The following AK9 variants were observed in gnomAD, a reference collection of about 807,000 sequenced individuals.
The protein encoded by AK9 is adenylate kinase domain containing 1.
In AK9, 191 loss-of-function variants were observed where a neutral mutation model predicts 239.6. The ratio of observed to expected loss-of-function variants is 0.80; its 90% CI spans 0.71 to 0.90. The LOEUF (loss-of-function observed/expected upper bound fraction) is 0.90, where lower values mean the gene tolerates loss of function less well. Ranked by LOEUF, AK9 falls within the 40% of genes least tolerant of loss-of-function variation. AK9 has a pLI of 0.00. For synonymous variants in AK9, 689 were observed against 721.0 expected (o/e 0.96, Z 0.71); for missense variants, 1,995 against 2,214.7 (o/e 0.90, Z 1.99).
intron 2 of AK9, 88 bp downstream of exon 2, chr6:109,675,541 T>A (rs1771588875): frequency 7.2e-6 from 6 of 836,996 alleles, no homozygotes; most frequent in Non-Finnish European, 1.1e-5. Context: ...ATGAGCACAA[T>A]ATGTGGTTTT....
chr6:109,667,731 C>T (rs561675563), intron 5 of AK9, among the ~76,000 whole-genome samples: 3 of 152,310 alleles, frequency 2.0e-5, no homozygotes, highest in South Asian at 4.1e-4. Flanking sequence ...AGGACATGAA[C>T]TCATCATTTT....
At chr6:109,667,244 C>T (rs1431817177) in intron 5 of AK9, among the ~76,000 whole-genome samples, 3 of 151,888 alleles carry the variant, frequency 2.0e-5, no homozygotes, top group Non-Finnish European at 4.4e-5. Context: ...GCACATATCT[C>T]TTCAGGGATT....
intron 12 of AK9, among the ~76,000 whole-genome samples, chr6:109,622,115 A>T (rs1794932397): frequency 1.4e-5 from 2 of 146,834 alleles, no homozygotes; most frequent in African/African-American, 4.9e-5. Context: ...TTTATACATT[A>T]TATATAATAC....
intron 17 of AK9, among the ~76,000 whole-genome samples, chr6:109,609,713 A>T (rs1386817451): frequency 6.6e-6 from 1 of 152,156 alleles, no homozygotes; most frequent in Non-Finnish European, 1.5e-5. Flanking sequence ...TAGTAATTTT[A>T]AGTTAAATCA....
intron 29 of AK9, among the ~76,000 whole-genome samples, chr6:109,527,105 A>G (rs1780620608): frequency 1.3e-5 from 2 of 152,208 alleles, no homozygotes; most frequent in Non-Finnish European, 2.9e-5. Context: ...GGAGACCCAG[A>G]GACGGAGCCA....
intron 12 of AK9, among the ~76,000 whole-genome samples, chr6:109,623,921 C>T (rs1795187579): frequency 6.7e-6 from 1 of 148,200 alleles, no homozygotes; most frequent in Admixed American, 6.8e-5. Context: ...TCTCCCACAT[C>T]CCTCCGTAAG....
At chr6:109,525,088 AC>A (rs1562351889) in intron 29 of AK9, among the ~76,000 whole-genome samples, 1 of 152,106 alleles carries the variant, frequency 6.6e-6, no homozygotes, top group African/African-American at 2.4e-5. Flanking sequence ...CATATGGATA[AC>A]CAGTTATCCC....
At chr6:109,604,868 T>G (rs1295340652) in intron 17 of AK9, among the ~76,000 whole-genome samples, 1 of 152,238 alleles carries the variant, frequency 6.6e-6, no homozygotes, top group East Asian at 1.9e-4. Flanking sequence ...ATTAAAAGTT[T>G]AATAATTTTA....
intron 1 of AK9, among the ~76,000 whole-genome samples, chr6:109,681,771 A>G (rs1394788547): frequency 6.6e-6 from 1 of 152,168 alleles, no homozygotes; most frequent in Non-Finnish European, 1.5e-5. Flanking sequence ...TCAAATTAGA[A>G]CTCAGGATTA....
At chr6:109,494,416 G>A (rs541453415) in intron 39 of AK9, 45 of 201,776 alleles carry the variant, frequency 2.2e-4, no homozygotes, top group Non-Finnish European at 4.4e-4. Context: ...AGAAAGAAGG[G>A]GACCCTAGGC....
rs1208357245 is a variant in AK9 at position 109,509,186 on chromosome 6, T to A, written c.4474A>T (p.Thr1492Ser). ...CTCACCCCATTCACTTACCCTGCAG[T>A]ATTGCACACACTTTCCATCAGAGAA... The part of the protein sequence containing the change: ...ELSLMESVCN[T>S]AGVVIDGYPV... Residue 1492 changes from threonine to serine, a missense_variant, in exon 33 of 41, where the codon ACT becomes TCT. Thr to Ser is a moderately conservative substitution (Grantham distance 58). Transcript: ENST00000424296. 1 of 1,551,972 alleles carries A rather than the reference T, an allele frequency of 6.4e-7. No individual in the cohort carries two copies. Among genetic ancestry groups the A allele is most frequent in the Non-Finnish European group, 8.7e-7 (1 of 1,147,000 alleles).
intron 38 of AK9, among the ~76,000 whole-genome samples, chr6:109,496,022 C>G (rs1776998692): frequency 6.6e-6 from 1 of 151,992 alleles, no homozygotes; most frequent in African/African-American, 2.4e-5. Context: ...CTCCTTAAAT[C>G]CTATATGCCT....
intron 10 of AK9, among the ~76,000 whole-genome samples, chr6:109,636,355 C>T (rs889590645): frequency 6.6e-6 from 1 of 152,056 alleles, no homozygotes; most frequent in Non-Finnish European, 1.5e-5. Flanking sequence ...GTAGAATCTC[C>T]TAGGGAAGAT....
intron 1 of AK9, chr6:109,690,335 T>A (rs75744276): frequency 6.6e-6 from 1 of 152,206 alleles, no homozygotes; most frequent in Non-Finnish European, 1.5e-5. Flanking sequence ...TTTTAAAAAG[T>A]GGATTTACAA....
At chr6:109,567,541 A>T (rs1261909266) in intron 21 of AK9, among the ~76,000 whole-genome samples, 1 of 152,110 alleles carries the variant, frequency 6.6e-6, no homozygotes, top group Non-Finnish European at 1.5e-5. Flanking sequence ...AACTATTCCA[A>T]TCAATGGGAA....
chr6:109,546,255 C>T (rs915103874), intron 25 of AK9, 128 bp from the exon 26 acceptor site: 3 of 810,774 alleles, frequency 3.7e-6, no homozygotes, highest in Non-Finnish European at 5.6e-6. Context: ...ATGATCACAT[C>T]ATGAACTCAA....
chr6:109,522,619 T>G (rs1401400865), intron 29 of AK9, among the ~76,000 whole-genome samples: 1 of 152,146 alleles, frequency 6.6e-6, no homozygotes, highest in Non-Finnish European at 1.5e-5. Flanking sequence ...AGTTTCTTCT[T>G]GAATTTTCTG....
At chr6:109,499,996 C>G (rs1777436650) in intron 35 of AK9, among the ~76,000 whole-genome samples, 1 of 149,542 alleles carries the variant, frequency 6.7e-6, no homozygotes, top group Non-Finnish European at 1.5e-5. Context: ...AATGTTTTGG[C>G]CGTTTTAGTT....
At chr6:109,602,122 T>C (rs571316807) in intron 17 of AK9, among the ~76,000 whole-genome samples, 72 of 152,364 alleles carry the variant, frequency 4.7e-4, no homozygotes, top group African/African-American at 1.7e-3. Flanking sequence ...GTCATTATGA[T>C]ATTAGCTGGT....
Sources: allele counts gnomAD v4.1 joint callset (sites outside exome capture counted in the v4.1 genomes callset), GRCh38; gene constraint gnomAD v4.1.1; transcripts MANE v1.5; gene names NCBI Gene and HGNC (gene_info 2026-07-23, HGNC 2026-07-21).